Variants in TASOR observed in about 807,000 individuals in gnomAD.
TASOR encodes the protein protein TASOR.
TASOR carries 53 observed loss-of-function variants against 178.6 expected under a neutral mutation model. The observed-to-expected ratio is 0.30, with a 90% confidence interval of 0.24 to 0.37. TASOR has a LOEUF of 0.37. Ranked by LOEUF, TASOR falls within the 10% of genes least tolerant of loss-of-function variation. The pLI is 1.00. For synonymous variants in TASOR, 713 were observed against 696.2 expected (o/e 1.02, Z -0.38); for missense variants, 1,815 against 1,971.4 (o/e 0.92, Z 1.50).
rs758530815 is a variant in TASOR at position 56,624,877 on chromosome 3, G to C, written c.4269C>G (p.Ile1423Met). Residue 1423 changes from isoleucine to methionine, a missense_variant, in exon 22 of 24, where the codon ATC becomes ATG. By Grantham distance (10) the Ile-to-Met change is conservative (BLOSUM62 1). Transcript: ENST00000683822. ...TRNAPELDCL[I>M]RLQAQNIQQR... is the part of the protein sequence containing the mutation. ...GCTGTATGTTCTGAGCCTGAAGTCTGATAAGGCAATCCAATTCTGGAGCAT... is the reference window on the plus strand; with the variant it reads ...GCTGTATGTTCTGAGCCTGAAGTCTCATAAGGCAATCCAATTCTGGAGCAT... 4 of 1,614,156 alleles carry C rather than the reference G, an allele frequency of 2.5e-6. No individual in the cohort carries two copies. Among genetic ancestry groups the C allele is most frequent in the Middle Eastern group, 3.3e-4 (2 of 6,062 alleles).
intron 6 of TASOR, 52 bp from the exon 7 acceptor site, chr3:56,666,436 CTTATA>C (rs2029982279): frequency 1.5e-6 from 2 of 1,343,714 alleles, no homozygotes; most frequent in Admixed American, 6.5e-5. Flanking sequence ...AAGGTGAAAC[CTTATA>C]TTTAACTGCC....
chr3:56,672,308 C>G (rs553848074), intron 2 of TASOR, among the ~76,000 whole-genome samples: 169 of 152,272 alleles, frequency 1.1e-3, no homozygotes, highest in African/African-American at 3.9e-3. Context: ...AATTTATCTT[C>G]AGACTAAATT....
intron 1 of TASOR, among the ~76,000 whole-genome samples, chr3:56,674,638 C>T (rs1434588066): frequency 6.6e-6 from 1 of 152,128 alleles, no homozygotes; most frequent in African/African-American, 2.4e-5. Flanking sequence ...CAAAGCTGGA[C>T]ACAAATACCA....
chr3:56,642,238 A>G (rs999607815), intron 14 of TASOR, among the ~76,000 whole-genome samples: 116 of 152,342 alleles, frequency 7.6e-4, no homozygotes, highest in African/African-American at 2.8e-3. Flanking sequence ...ATCTTGAATG[A>G]CTAGATTACT....
At position 56,648,839 on chromosome 3, in the gene TASOR, G is replaced by C. The variant is rs1345208194; in HGVS notation, c.1496C>G (p.Pro499Arg). The change falls in exon 13 of 24, where the codon CCT becomes CGT. Residue 499 changes from proline (P) to arginine (R), a missense_variant. This residue lies in a region of TASOR where 504 missense variants were observed against 645.3 expected (regional missense o/e 0.78). Coordinates refer to ENST00000683822, the MANE Select transcript of TASOR (RefSeq NM_001365635.2). Reference protein sequence around the residue: ...VLHALFLFQEPRSIVTSQKGS... With the variant: ...VLHALFLFQERRSIVTSQKGS... Reference sequence around the variant, plus strand: ...GAACTTACAAGTAACTATGCTTCTAGGTTCTTGAAATAGAAACAAAGCATG... The same window carrying C: ...GAACTTACAAGTAACTATGCTTCTACGTTCTTGAAATAGAAACAAAGCATG... 1 of 1,610,722 alleles carries C rather than the reference G, an allele frequency of 6.2e-7. No individual in the cohort carries two copies. The highest frequency in any genetic ancestry group is 8.5e-7 in the Non-Finnish European group (1 of 1,178,394).
Position 56,651,180 on chromosome 3 carries a change from G to T in TASOR, c.1369-2123C>A, listed in dbSNP as rs2077344233. ...TTCAGCAGTTATATCTGTGGCTTCA[G>T]CCCAATGAAATCCATTCAACTCTGC... is the stretch of plus-strand genomic sequence containing the variant. On this transcript the variant is annotated intron_variant, in intron 11 of 23. Coordinates refer to ENST00000683822, the MANE Select transcript of TASOR (RefSeq NM_001365635.2). 2.0e-5 allele frequency among the ~76,000 whole-genome samples: 3 copies of T among 151,788 alleles called. No individual in the cohort carries two copies. The South Asian group carries it at 6.2e-4, about 31-fold the overall frequency.
At chr3:56,645,321 T>C (rs2077213286) in intron 14 of TASOR, among the ~76,000 whole-genome samples, 1 of 152,040 alleles carries the variant, frequency 6.6e-6, no homozygotes, top group Admixed American at 6.6e-5. Context: ...AAAGTGAGGA[T>C]ACAAATACAG....
chr3:56,681,608 G>A (rs1474999169), intron 1 of TASOR, among the ~76,000 whole-genome samples: 1 of 152,134 alleles, frequency 6.6e-6, no homozygotes, highest in Non-Finnish European at 1.5e-5. Context: ...TGTACCAGAT[G>A]GATGGAAAAG....
At chr3:56,659,149 C>A (rs750911442) in intron 11 of TASOR, among the ~76,000 whole-genome samples, 5 of 152,140 alleles carry the variant, frequency 3.3e-5, no homozygotes, top group Admixed American at 6.5e-5. Context: ...TAATTAAATT[C>A]TATGTAGCCA....
rs1024721746 is a variant in TASOR at position 56,669,870 on chromosome 3, G to C, written c.644-79C>G. 2.8e-5 allele frequency: 31 copies of C among 1,099,718 alleles called. No individual in the cohort carries two copies. The African/African-American group carries it at 5.0e-4, about 18-fold the overall frequency. The allele number at this position is 1,099,718 out of a possible 1,614,324, so 68.1% of individuals were successfully genotyped here. On this transcript the variant is annotated intron_variant, in intron 4 of 23. Transcript: ENST00000683822. The stretch of plus-strand genomic sequence containing the variant: ...GACTAAAATAAGACATTTTTAAGAA[G>C]TTATCCTTCATCAATTTGAGGTGTT...
At chr3:56,667,867 T>C (rs1230675579) in intron 6 of TASOR, among the ~76,000 whole-genome samples, 2 of 152,244 alleles carry the variant, frequency 1.3e-5, no homozygotes, top group South Asian at 2.1e-4. Context: ...GTTACTCTTA[T>C]ATAGGTGTAG....
At position 56,662,430 on chromosome 3, in the gene TASOR, T is replaced by C. The variant is rs1008713153; in HGVS notation, c.1115A>G (p.Tyr372Cys). The change falls in exon 9 of 24, where the codon TAT (tyrosine) becomes TGT (cysteine). Residue 372 changes from tyrosine (Y) to cysteine (C), a missense_variant. This residue lies in a region of TASOR where 504 missense variants were observed against 645.3 expected (regional missense o/e 0.78). Coordinates refer to ENST00000683822, the MANE Select transcript of TASOR (RefSeq NM_001365635.2). ...ACGAGTGGCTGACCTCAGAGAAATATAACACAAAAGTTTTCCTTTATTTAA... is the reference window on the plus strand; with the variant it reads ...ACGAGTGGCTGACCTCAGAGAAATACAACACAAAAGTTTTCCTTTATTTAA... ...QLLNKGKLLC[Y>C]ISLRSATRAF... 6.5e-7 allele frequency: 1 copy of C among 1,549,244 alleles called. No homozygotes were observed. The highest frequency in any genetic ancestry group is 2.5e-5 in the East Asian group (1 of 40,792).
intron 17 of TASOR, among the ~76,000 whole-genome samples, chr3:56,636,013 A>C (rs1018406010): frequency 2.0e-5 from 3 of 152,210 alleles, no homozygotes; most frequent in Non-Finnish European, 4.4e-5. Context: ...TTTTATTAAG[A>C]ACTTAACTGC....
chr3:56,681,076 C>G lies in TASOR; in HGVS notation c.331+1600G>C, dbSNP rs145625910. On this transcript the variant is annotated intron_variant, in intron 1 of 23. Transcript: ENST00000683822. ...GAGTTTCTAGGCCAATCTTCTGGTCCTAACAAACAGTAAAAAAAAAAAAAA... is the reference window on the plus strand; with the variant it reads ...GAGTTTCTAGGCCAATCTTCTGGTCGTAACAAACAGTAAAAAAAAAAAAAA... Among the ~76,000 whole-genome samples, 1,402 of 146,514 alleles carry G rather than the reference C, an allele frequency of 9.6e-3. 29 individuals are homozygous for G. The highest frequency in any genetic ancestry group is 0.033 in the African/African-American group (1,292 of 39,392).
chr3:56,674,985 A>G (rs959866663), intron 1 of TASOR, among the ~76,000 whole-genome samples: 1 of 151,854 alleles, frequency 6.6e-6, no homozygotes, highest in Admixed American at 6.6e-5. Flanking sequence ...CACCCGGCTA[A>G]TTTTTGTGTG....
In TASOR at chr3:56,621,436, GAT is replaced by G. The variant is rs2076608982; in HGVS notation, c.*1599_*1600del. The stretch of plus-strand genomic sequence containing the variant: ...TGAATGACAAAATTTTATCCTAAGC[GAT>G]ATGTTTTCCAAGTGAATATAATTCT... On this transcript the variant is annotated 3_prime_UTR_variant, in exon 24 of 24. Coordinates refer to ENST00000683822, the MANE Select transcript of TASOR (RefSeq NM_001365635.2). The G allele has an allele frequency of 8.4e-6, 7 of 836,360 alleles. No homozygotes were observed. Among genetic ancestry groups the G allele is most frequent in the African/African-American group, 6.9e-5 (4 of 58,064 alleles). The allele number at this position is 836,360 out of a possible 1,614,324, so 51.8% of individuals were successfully genotyped here. A position where few individuals can be genotyped will look rare whatever the true frequency, so the allele number is the denominator to read the frequency against.
Position 56,633,615 on chromosome 3 carries a change from T to C in TASOR, c.3176A>G (p.Lys1059Arg). Residue 1059 changes from lysine to arginine, a missense_variant, in exon 18 of 24, where the codon AAA becomes AGA. Lys to Arg is a conservative substitution (Grantham distance 26, BLOSUM62 2). This residue lies in a region of TASOR where 655 missense variants were observed against 671.1 expected (regional missense o/e 0.98). Coordinates refer to ENST00000683822, the MANE Select transcript of TASOR (RefSeq NM_001365635.2). The part of the protein sequence containing the change: ...TPIFSTQEKM[K>R]RLSEFIYSKT... ...AGAATATATGAACTCGGAAAGCCGTTTCATCTTCTCTTGTGTTGAAAAGAT... is the reference window on the plus strand; with the variant it reads ...AGAATATATGAACTCGGAAAGCCGTCTCATCTTCTCTTGTGTTGAAAAGAT... 2 of 1,614,044 alleles carry C rather than the reference T, an allele frequency of 1.2e-6. No individual in the cohort carries two copies. The highest frequency in any genetic ancestry group is 1.7e-6 in the Non-Finnish European group (2 of 1,179,998).
chr3:56,626,990 C>A (rs1287197617), intron 21 of TASOR, 47 bp downstream of exon 21: 1 of 1,139,104 alleles, frequency 8.8e-7, no homozygotes, highest in Non-Finnish European at 1.3e-6. Context: ...ATTATGAGTA[C>A]AATGTTAAAA....
At chr3:56,681,916 T>C (rs2031830049) in intron 1 of TASOR, among the ~76,000 whole-genome samples, 1 of 152,196 alleles carries the variant, frequency 6.6e-6, no homozygotes, top group East Asian at 1.9e-4. Context: ...TTCTACCATC[T>C]AGAAGACCAA....
Sources: gnomAD v4.1 joint callset for allele counts (sites outside exome capture counted in the v4.1 genomes callset) on GRCh38, gnomAD v4.1.1 for gene constraint, gnomAD v4.1.1 regional missense constraint, MANE v1.5 for transcripts, NCBI Gene and HGNC (gene_info 2026-07-23, HGNC 2026-07-21) for gene names.